Variants in DCC observed in about 807,000 individuals in gnomAD.
DCC encodes the protein DCC netrin 1 receptor.
A neutral mutation model predicts 172.5 loss-of-function variants in DCC; 58 were observed. That is an observed-to-expected ratio of 0.34 (90% CI 0.27 to 0.42). The LOEUF (loss-of-function observed/expected upper bound fraction) is 0.42, where lower values mean the gene tolerates loss of function less well. Among genes scored for constraint, DCC ranks in the 10% least tolerant of loss-of-function variants. The pLI, the probability that DCC is intolerant of heterozygous loss-of-function variation, is 1.00. For missense variants in DCC, 1,740 were observed against 1,791.0 expected, an observed-to-expected ratio of 0.97 and a Z score of 0.51; for synonymous variants, 709 against 644.5, an observed-to-expected ratio of 1.10 and a Z score of -1.52.
rs991060322 is a variant in DCC, at chr18:53,207,704, A to G, written c.1748A>G (p.Tyr583Cys). The change falls in exon 11 of 29, where the codon TAT (tyrosine) becomes TGT (cysteine). Residue 583 changes from tyrosine (Y) to cysteine (C), a missense_variant. This residue lies in a region of DCC where 1,732 missense variants were observed against 1,767.4 expected (regional missense o/e 0.98). Transcript: ENST00000442544. ...EQNIEVDGLS[Y>C]KLEGLKKFTE... ...AATATAGAGGTTGATGGACTATCTTATAAACTGGAAGGCCTGAAAAAATTC... is the reference window on the plus strand; with the variant it reads ...AATATAGAGGTTGATGGACTATCTTGTAAACTGGAAGGCCTGAAAAAATTC... 32 of 1,613,644 alleles carry G rather than the reference A, an allele frequency of 2.0e-5. No homozygotes were observed. Among genetic ancestry groups the G allele is most frequent in the African/African-American group, 2.7e-5 (2 of 74,892 alleles).
At chr18:53,030,481 A>G (rs987151345) in intron 5 of DCC, among the ~76,000 whole-genome samples, 1 of 151,916 alleles carries the variant, frequency 6.6e-6, no homozygotes, top group South Asian at 2.1e-4. Flanking sequence ...AGCATTGTAC[A>G]TGACAGGAAG....
intron 9 of DCC, among the ~76,000 whole-genome samples, chr18:53,193,703 G>A (rs955904369): frequency 1.8e-4 from 27 of 152,126 alleles, no homozygotes; most frequent in African/African-American, 9.6e-5. Context: ...TGAAACCTAC[G>A]TGTTAGGAGA....
rs560102197 is a variant in DCC at position 53,213,187 on chromosome 18, C to T, written c.1862-2361C>T. ...ACAACAAAACACATGATAAATGTTA[C>T]CTTCTCTTTCTTCCAAAATTCAATT... is the stretch of plus-strand genomic sequence containing the variant. On this transcript the variant is annotated intron_variant, in intron 11 of 28. Transcript: ENST00000442544. Among the ~76,000 whole-genome samples the T allele has an allele frequency of 4.6e-5, 7 of 152,228 alleles. No individual in the cohort carries two copies. The East Asian group carries it at 1.3e-3, about 29-fold the overall frequency.
At chr18:52,953,759 C>T (rs8085635) in intron 5 of DCC, among the ~76,000 whole-genome samples, 64,157 of 151,958 alleles carry the variant, frequency 0.42, 14,052 homozygotes, top group Middle Eastern at 0.51. Context: ...ATCTAAAGGG[C>T]TCAAACACTA....
intron 1 of DCC, among the ~76,000 whole-genome samples, chr18:52,652,711 A>AGTGTGTGTGTGT (rs71175513): frequency 0.052 from 7,413 of 143,294 alleles, 232 homozygotes; most frequent in Admixed American, 0.067. Context: ...ACTGCAATAA[A>AGTGTGTGTGTGT]GTGTGTGTGT....
At chr18:52,797,081 ATTTC>A (rs1453249890) in intron 2 of DCC, among the ~76,000 whole-genome samples, 5 of 147,058 alleles carry the variant, frequency 3.4e-5, no homozygotes, top group Non-Finnish European at 6.0e-5. Flanking sequence ...GTATTTTTTT[ATTTC>A]TTTGATTTCT....
At chr18:53,285,014 A>G (rs756014675) in intron 12 of DCC, among the ~76,000 whole-genome samples, 4 of 152,166 alleles carry the variant, frequency 2.6e-5, no homozygotes, top group Non-Finnish European at 5.9e-5. Context: ...GCAGCAAAGC[A>G]TTCGAGAGGT....
Position 52,564,862 on chromosome 18 carries a change from G to T in DCC, c.92-187192G>T, listed in dbSNP as rs200698650. Among the ~76,000 whole-genome samples the T allele has an allele frequency of 2.6e-5, 4 of 152,070 alleles. No homozygotes were observed. In the East Asian group the frequency reaches 7.7e-4, roughly 29 times the overall value. On this transcript the variant is annotated intron_variant, in intron 1 of 28. Coordinates refer to ENST00000442544, the MANE Select transcript of DCC (RefSeq NM_005215.4). ...AGAATAAAAATCTCTGTACATGAGC[G>T]CAGATTGCTTAGGCGGCCTTACATC...
intron 1 of DCC, among the ~76,000 whole-genome samples, chr18:52,341,200 A>C (rs892679635): frequency 6.6e-6 from 1 of 152,034 alleles, no homozygotes; most frequent in Admixed American, 6.5e-5. Context: ...GTTGAAAGGA[A>C]CTGGGCTGGG....
intron 27 of DCC, among the ~76,000 whole-genome samples, chr18:53,511,630 A>G (rs2144534758): frequency 6.6e-6 from 1 of 152,330 alleles, no homozygotes; most frequent in African/African-American, 2.4e-5. Flanking sequence ...AAGCAGGGCG[A>G]GGCATTGCGT....
rs139629671 is a variant in DCC, at chr18:52,514,503, G to A, written c.91+173625G>A. Among the ~76,000 whole-genome samples, 517 of 152,270 alleles carry A rather than the reference G, an allele frequency of 3.4e-3. 11 individuals are homozygous for A. The highest frequency in any genetic ancestry group is 0.012 in the African/African-American group (486 of 41,544). On this transcript the variant is annotated intron_variant, in intron 1 of 28. Coordinates refer to ENST00000442544, the MANE Select transcript of DCC (RefSeq NM_005215.4). ...AGACATTACCAAATATCCCCTATGGGGAATAAAAATTGCCTTCAGATGACA... is the reference window on the plus strand; with the variant it reads ...AGACATTACCAAATATCCCCTATGGAGAATAAAAATTGCCTTCAGATGACA...
At chr18:53,474,902 T>A (rs189610484) in intron 25 of DCC, among the ~76,000 whole-genome samples, 1 of 152,308 alleles carries the variant, frequency 6.6e-6, no homozygotes, top group Non-Finnish European at 1.5e-5. Context: ...CCTAGAGACT[T>A]GTTGAATGGC....
At chr18:53,111,708 T>A (rs2043334861) in intron 7 of DCC, among the ~76,000 whole-genome samples, 1 of 151,668 alleles carries the variant, frequency 6.6e-6, no homozygotes. Context: ...GATACATATA[T>A]GTCCATCTTG....
intron 12 of DCC, among the ~76,000 whole-genome samples, chr18:53,304,006 T>A (rs190192027): frequency 5.3e-5 from 8 of 152,168 alleles, no homozygotes; most frequent in African/African-American, 1.4e-4. Flanking sequence ...CCATGGCTGA[T>A]CTCCTACCCG....
intron 2 of DCC, among the ~76,000 whole-genome samples, chr18:52,883,090 T>G (rs75388452): frequency 0.042 from 6,342 of 152,170 alleles, 181 homozygotes; most frequent in Non-Finnish European, 0.062. Context: ...TTTTTTGTCT[T>G]CATTGGCATG....
intron 12 of DCC, among the ~76,000 whole-genome samples, chr18:53,264,732 T>A (rs1399869392): frequency 6.6e-6 from 1 of 151,990 alleles, no homozygotes; most frequent in Non-Finnish European, 1.5e-5. Context: ...TAGGTGATTC[T>A]CCCTTTAACT....
intron 12 of DCC, among the ~76,000 whole-genome samples, chr18:53,239,143 T>C (rs553141990): frequency 1.3e-5 from 2 of 150,900 alleles, no homozygotes; most frequent in South Asian, 2.1e-4. Context: ...TGTATACATA[T>C]GTAACTAACC....
intron 7 of DCC, among the ~76,000 whole-genome samples, chr18:53,111,394 T>A (rs1275716235): frequency 7.1e-6 from 1 of 141,586 alleles, no homozygotes; most frequent in Non-Finnish European, 1.5e-5. Flanking sequence ...AAACTTAAAG[T>A]ATAATAATAA....
intron 1 of DCC, among the ~76,000 whole-genome samples, chr18:52,667,949 A>G (rs1477117031): frequency 6.6e-6 from 1 of 152,120 alleles, no homozygotes; most frequent in Non-Finnish European, 1.5e-5. Context: ...AAAAAGAAAG[A>G]AGACATGTCA....
Sources: gnomAD v4.1 joint callset for allele counts (sites outside exome capture counted in the v4.1 genomes callset) on GRCh38, gnomAD v4.1.1 for gene constraint, gnomAD v4.1.1 regional missense constraint, MANE v1.5 for transcripts, NCBI Gene and HGNC (gene_info 2026-07-23, HGNC 2026-07-21) for gene names.